Variants in ZFP90 observed in about 807,000 individuals in gnomAD.
ZFP90 encodes zinc finger protein 90 homolog.
Under a neutral mutation model 60.8 loss-of-function variants are expected in ZFP90, and 38 were observed. The ratio of observed to expected loss-of-function variants is 0.62; its 90% CI spans 0.48 to 0.82. ZFP90 has a LOEUF of 0.82. Ranked by LOEUF, ZFP90 falls within the 40% of genes least tolerant of loss-of-function variation. The pLI, the probability that ZFP90 is intolerant of heterozygous loss-of-function variation, is 0.00. For synonymous variants in ZFP90, 287 were observed against 264.8 expected, an observed-to-expected ratio of 1.08 and a Z score of -0.82; for missense variants, 711 against 759.1, an observed-to-expected ratio of 0.94 and a Z score of 0.74.
exon 3 of ZFP90, chr16:68,575,804 C>A (rs2091591552): frequency 2.5e-6 from 1 of 398,192 alleles, no homozygotes; most frequent in Non-Finnish European, 4.4e-6. Context: ...TTGTCTGCCT[C>A]CTGCCGCTGT....
chr16:68,566,627 CA>C lies in ZFP90; in HGVS notation c.*1930del. 6.1e-6 allele frequency: 6 copies of C among 985,582 alleles called. No individual in the cohort carries two copies. Among genetic ancestry groups the C allele is most frequent in the Non-Finnish European group, 6.0e-6 (5 of 829,940 alleles). 61.1% of individuals were successfully genotyped at this position (985,582 alleles called of 1,614,324 possible). ...CTTCTGAGATGCTGACCATCCAAAA[CA>C]CCTTGTTTATGGTGCACCATGATTA... On this transcript the variant is annotated 3_prime_UTR_variant, in exon 5 of 5. Transcript: ENST00000563169.
rs2091009937 is a variant in ZFP90 at position 68,539,942 on chromosome 16, G to C, written c.33+117G>C. ...GGCGACTCCCTTACTTGCTTGGCTC[G>C]ATCGGAGCCTCCTGGCCATGGAAAA... is the stretch of plus-strand genomic sequence containing the variant. On this transcript the variant is annotated intron_variant, in intron 2 of 4. Coordinates refer to ENST00000563169, the MANE Select transcript of ZFP90 (RefSeq NM_001305203.2). 3 of 1,387,870 alleles carry C rather than the reference G, an allele frequency of 2.2e-6. No homozygotes were observed. In the South Asian group the frequency reaches 4.0e-5, roughly 18 times the overall value. The allele number at this position is 1,387,870 out of a possible 1,614,324, so 86.0% of individuals were successfully genotyped here.
chr16:68,554,217 G>A (rs571519115), intron 2 of ZFP90, among the ~76,000 whole-genome samples: 75 of 151,940 alleles, frequency 4.9e-4, no homozygotes, highest in African/African-American at 1.5e-3. Context: ...CACCTCCCGG[G>A]TTCAAGTGAT....
At chr16:68,558,637 C>CCCT in intron 4 of ZFP90, 69 bp downstream of exon 4, 1 of 1,407,632 alleles carries the variant, frequency 7.1e-7, no homozygotes, top group Non-Finnish European at 1.0e-6. Context: ...GGGGGAGATA[C>CCCT]CCTCCAGCAG....
At chr16:68,546,112 T>G (rs2091145116) in intron 2 of ZFP90, among the ~76,000 whole-genome samples, 1 of 152,110 alleles carries the variant, frequency 6.6e-6, no homozygotes, top group Non-Finnish European at 1.5e-5. Flanking sequence ...GAGGTGGAGG[T>G]TGCAGTGAGC....
At position 68,565,179 on chromosome 16, in the gene ZFP90, A is replaced by G; in HGVS notation, c.*481A>G. On this transcript the variant is annotated 3_prime_UTR_variant, in exon 5 of 5. Transcript: ENST00000563169. ...TCAAAGAATTAGATCAACTAGCCCA[A>G]CCACTTCATTGTACAGATGAAGACT... The G allele has an allele frequency of 9.1e-6, 9 of 991,350 alleles. No individual in the cohort carries two copies. Among genetic ancestry groups the G allele is most frequent in the Non-Finnish European group, 1.1e-5 (9 of 833,690 alleles). 61.4% of individuals were successfully genotyped at this position (991,350 alleles called of 1,614,324 possible). A position where few individuals can be genotyped will look rare whatever the true frequency, so the allele number is the denominator to read the frequency against.
chr16:68,547,685 A>T (rs1016071747), intron 2 of ZFP90, among the ~76,000 whole-genome samples: 1 of 152,116 alleles, frequency 6.6e-6, no homozygotes, highest in Admixed American at 6.6e-5. Context: ...TGACTATATT[A>T]TATTGCTTTG....
At chr16:68,537,803 C>T (rs1376372979), upstream of ZFP90, among the ~76,000 whole-genome samples, 1 of 152,200 alleles carries the variant, frequency 6.6e-6, no homozygotes, top group Non-Finnish European at 1.5e-5. Flanking sequence ...CTGGGCTCCT[C>T]CCTCCTCAGC....
downstream of ZFP90, among the ~76,000 whole-genome samples, chr16:68,571,576 G>T (rs968351886): frequency 6.6e-5 from 10 of 152,054 alleles, no homozygotes; most frequent in African/African-American, 2.4e-4. Context: ...TGAAGGATTT[G>T]GGGGAAGGAA....
In ZFP90 at chr16:68,564,968, A is replaced by G. The variant is rs2091502335; in HGVS notation, c.*270A>G. On this transcript the variant is annotated 3_prime_UTR_variant, in exon 5 of 5. Coordinates refer to ENST00000563169, the MANE Select transcript of ZFP90 (RefSeq NM_001305203.2). ...TTGGACTTTGCTTTTGAATATATGT[A>G]TGCAGGATATCATCAAGTTTCAACA... 1.7e-6 allele frequency: 2 copies of G among 1,149,426 alleles called. No homozygotes were observed. The highest frequency in any genetic ancestry group is 3.2e-5 in the African/African-American group (2 of 62,236). The allele number at this position is 1,149,426 out of a possible 1,614,324, so 71.2% of individuals were successfully genotyped here.
intron 2 of ZFP90, among the ~76,000 whole-genome samples, chr16:68,542,452 A>G (rs751118676): frequency 4.6e-5 from 7 of 152,204 alleles, no homozygotes; most frequent in East Asian, 1.9e-4. Context: ...TTAGCTAGCC[A>G]TGGTGACGGG....
In ZFP90 at chr16:68,563,136, T is replaced by C; in HGVS notation, c.349T>C (p.Leu117=). The C allele has an allele frequency of 6.2e-7, 1 of 1,614,118 alleles. No homozygotes were observed. The highest frequency in any genetic ancestry group is 8.5e-7 in the Non-Finnish European group (1 of 1,180,008). ...CACACATGATCTCTTACATGCTACA[T>C]TAGAAGACTCCTGGGATGTTAGCAG... ...HCTHDLLHAT[L]EDSWDVSSQL... is the part of the protein sequence containing the mutation. The change falls in exon 5 of 5, where the codon TTA becomes CTA. Residue 117 remains leucine, a synonymous_variant. Coordinates refer to ENST00000563169, the MANE Select transcript of ZFP90 (RefSeq NM_001305203.2).
At chr16:68,550,330 G>T (rs770052790) in intron 2 of ZFP90, among the ~76,000 whole-genome samples, 1 of 152,132 alleles carries the variant, frequency 6.6e-6, no homozygotes, top group Non-Finnish European at 1.5e-5. Context: ...CGCAATCTTG[G>T]CTCACTGTAA....
Position 68,566,961 on chromosome 16 carries a change from C to A in ZFP90, c.*2263C>A. ...ACCACTCTGAAACTCAGCACATCTT[C>A]ATTGACAGGGAGGGAGCCCAGGACA... On this transcript the variant is annotated 3_prime_UTR_variant, in exon 5 of 5. Transcript: ENST00000563169. 1.0e-6 allele frequency: 1 copy of A among 985,616 alleles called. No individual in the cohort carries two copies. Among genetic ancestry groups the A allele is most frequent in the Non-Finnish European group, 1.2e-6 (1 of 829,966 alleles). 61.1% of individuals were successfully genotyped at this position (985,616 alleles called of 1,614,324 possible).
At chr16:68,552,546 G>A (rs1383294661) in intron 2 of ZFP90, among the ~76,000 whole-genome samples, 3 of 152,150 alleles carry the variant, frequency 2.0e-5, no homozygotes, top group Non-Finnish European at 2.9e-5. Context: ...TAGCCAAGCC[G>A]AGGAAGAAAG....
intron 1 of ZFP90, chr16:68,533,552 C>G (rs1415704131): frequency 6.6e-6 from 1 of 152,238 alleles, no homozygotes; most frequent in Non-Finnish European, 1.5e-5. Context: ...AGACACCCAA[C>G]TTTAATGAGT....
At chr16:68,538,191 C>A (rs1456300806), upstream of ZFP90, among the ~76,000 whole-genome samples, 1 of 152,128 alleles carries the variant, frequency 6.6e-6, no homozygotes, top group Non-Finnish European at 1.5e-5. Context: ...GGATCACAGG[C>A]TTGAGCCACC....
chr16:68,535,580 A>T (rs2090954324), upstream of ZFP90: 1 of 152,184 alleles, frequency 6.6e-6, no homozygotes, highest in South Asian at 2.1e-4. Context: ...TGCTAATTGA[A>T]AACTTTTCCC....
intron 2 of ZFP90, among the ~76,000 whole-genome samples, chr16:68,552,061 C>A (rs1030002667): frequency 1.1e-5 from 1 of 89,762 alleles, no homozygotes; most frequent in African/African-American, 4.1e-5. Flanking sequence ...CGTCTGGCTG[C>A]TTTGTTAGTT....
Sources: allele counts gnomAD v4.1 joint callset (sites outside exome capture counted in the v4.1 genomes callset), GRCh38; gene constraint gnomAD v4.1.1; transcripts MANE v1.5; gene names NCBI Gene and HGNC (gene_info 2026-07-23, HGNC 2026-07-21).